The following SYT3 variants were observed in gnomAD, a reference collection of about 807,000 sequenced individuals.
The protein encoded by SYT3 is synaptotagmin 3, also known as synaptotagmin-3.
In SYT3, 25 loss-of-function variants were observed where a neutral mutation model predicts 50.6. The observed-to-expected ratio is 0.49, with a 90% CI of 0.36 to 0.69. The LOEUF (loss-of-function observed/expected upper bound fraction) is 0.69. Ranked by LOEUF, SYT3 falls within the 30% of genes least tolerant of loss-of-function variation. The pLI is 0.00. For synonymous variants in SYT3, 323 were observed against 353.9 expected, an observed-to-expected ratio of 0.91 and a Z score of 0.98; for missense variants, 589 against 793.6, an observed-to-expected ratio of 0.74 and a Z score of 3.10.
the SYT3 span, among the ~76,000 whole-genome samples, chr19:50,655,832 C>A: frequency 1.3e-5 from 2 of 152,296 alleles, no homozygotes; most frequent in South Asian, 4.1e-4. Flanking sequence ...TAATAGGAAC[C>A]CAGCTGTTGA....
At chr19:50,647,520 A>T in the SYT3 span, among the ~76,000 whole-genome samples, 6 of 151,632 alleles carry the variant, frequency 4.0e-5, no homozygotes, top group African/African-American at 1.5e-4. Flanking sequence ...ACTCCATCTT[A>T]AAAAAAATAA....
intron 5 of SYT3, 97 bp downstream of exon 5, chr19:50,629,687 G>T: frequency 5.0e-6 from 1 of 199,536 alleles, no homozygotes; most frequent in South Asian, 5.2e-5. Flanking sequence ...TCAGACCCGG[G>T]AGTCCAGGCC....
Position 50,625,689 on chromosome 19 carries a change from C to T in SYT3, c.1403-125G>A. 2.1e-6 allele frequency: 3 copies of T among 1,402,718 alleles called. No individual in the cohort carries two copies. In the South Asian group the frequency reaches 4.3e-5, roughly 20 times the overall value. The allele number at this position is 1,402,718 out of a possible 1,614,324, so 86.9% of individuals were successfully genotyped here. ...CCGGGGCCCCAGGCCCCCAGTCCCT[C>T]CTTCCTCAGGCCCAAGAGTCCAGAC... On this transcript the variant is annotated intron_variant, in intron 7 of 10. Coordinates refer to ENST00000600079, the MANE Select transcript of SYT3 (RefSeq NM_001160329.2). This position sits in a 1 kb window ranked among gnomAD's most constrained non-coding sequence, Gnocchi z 7.5.
chr19:50,648,128 T>G, the SYT3 span, among the ~76,000 whole-genome samples: 1 of 152,056 alleles, frequency 6.6e-6, no homozygotes, highest in Non-Finnish European at 1.5e-5. Flanking sequence ...GCTTCCCTCG[T>G]GTTGTCTTTG....
upstream of SYT3, among the ~76,000 whole-genome samples, chr19:50,644,424 T>C (rs528096676): frequency 2.0e-5 from 3 of 151,662 alleles, no homozygotes; most frequent in Non-Finnish European, 4.4e-5. Context: ...GATGGATAGA[T>C]GGATACTGCA....
the SYT3 span, among the ~76,000 whole-genome samples, chr19:50,654,370 T>C: frequency 6.6e-6 from 1 of 151,930 alleles, no homozygotes; most frequent in Non-Finnish European, 1.5e-5. Context: ...TGGCGCAATC[T>C]TGGCTCACTG....
upstream of SYT3, among the ~76,000 whole-genome samples, chr19:50,643,519 T>C (rs1477975572): frequency 6.6e-6 from 1 of 152,020 alleles, no homozygotes; most frequent in East Asian, 1.9e-4. Context: ...CCCTTGCCTT[T>C]AGCCACCATG....
chr19:50,625,763 CTCCCTCAG>C lies in SYT3; in HGVS notation c.1402+126_1402+133del. The C allele has an allele frequency of 6.1e-6, 5 of 818,194 alleles. No individual in the cohort carries two copies. The highest frequency in any genetic ancestry group is 9.3e-6 in the Non-Finnish European group (5 of 535,262). The allele number at this position is 818,194 out of a possible 1,614,324, so 50.7% of individuals were successfully genotyped here. ...CAGGAGTCCAGGCCCCTGGCCCCTC[CTCCCTCAG>C]ACCCAGGAGTCCAGATCCCCAGCTC... On this transcript the variant is annotated intron_variant, in intron 7 of 10. Coordinates refer to ENST00000600079, the MANE Select transcript of SYT3 (RefSeq NM_001160329.2). The surrounding 1 kb of genome is among the most constrained non-coding windows in gnomAD (Gnocchi z 7.5).
the SYT3 span, chr19:50,649,458 T>C: frequency 6.5e-7 from 1 of 1,536,058 alleles, no homozygotes; most frequent in South Asian, 1.2e-5. Flanking sequence ...CAGCCAGAGG[T>C]GGAGCCCGTG....
the SYT3 span, among the ~76,000 whole-genome samples, chr19:50,648,001 AT>A: frequency 6.6e-6 from 1 of 152,192 alleles, no homozygotes; most frequent in African/African-American, 2.4e-5. Flanking sequence ...GGAAACGCAA[AT>A]CAAATTGACC....
upstream of SYT3, among the ~76,000 whole-genome samples, chr19:50,642,625 G>C (rs1599824106): frequency 6.6e-6 from 1 of 152,064 alleles, no homozygotes; most frequent in African/African-American, 2.4e-5. Context: ...CCTGAGGTCG[G>C]GAGTTTGAGA....
At chr19:50,623,030 T>A (rs1355067789) in intron 9 of SYT3, among the ~76,000 whole-genome samples, 3 of 141,944 alleles carry the variant, frequency 2.1e-5, no homozygotes, top group Non-Finnish European at 4.6e-5. Flanking sequence ...TGAGACTCTG[T>A]CCTGGGGCCA....
chr19:50,653,185 G>A, the SYT3 span, among the ~76,000 whole-genome samples: 2 of 151,916 alleles, frequency 1.3e-5, no homozygotes, highest in East Asian at 1.9e-4. Context: ...CTACAGGTGC[G>A]CGCTACCATG....
chr19:50,631,811 G>A (rs1984316652), intron 4 of SYT3, among the ~76,000 whole-genome samples: 1 of 152,068 alleles, frequency 6.6e-6, no homozygotes, highest in Admixed American at 6.5e-5. Context: ...AGTGACAGGA[G>A]GGCAGAGTCT....
chr19:50,653,682 GCACACACA>G, the SYT3 span, among the ~76,000 whole-genome samples: 32,120 of 121,646 alleles, frequency 0.26, 4,623 homozygotes, highest in Admixed American at 0.31. Flanking sequence ...ATGAGAGACA[GCACACACA>G]CACACACACA....
the SYT3 span, among the ~76,000 whole-genome samples, chr19:50,648,712 A>T: frequency 5.0e-4 from 75 of 150,430 alleles, no homozygotes; most frequent in African/African-American, 1.5e-3. Flanking sequence ...CTCTGGAGGC[A>T]CCATGGCAAC....
At chr19:50,647,830 C>G in the SYT3 span, among the ~76,000 whole-genome samples, 4 of 152,076 alleles carry the variant, frequency 2.6e-5, no homozygotes, top group African/African-American at 9.7e-5. Context: ...TGCCTGTGGT[C>G]AAGGCAATCA....
chr19:50,643,201 T>C (rs1984706967), upstream of SYT3, among the ~76,000 whole-genome samples: 1 of 151,904 alleles, frequency 6.6e-6, no homozygotes, highest in Non-Finnish European at 1.5e-5. Context: ...TGAGACCTCA[T>C]TTCTACAAAA....
chr19:50,655,978 G>A, the SYT3 span: 3 of 1,419,838 alleles, frequency 2.1e-6, no homozygotes, highest in Non-Finnish European at 2.9e-6. Context: ...CAAGCAATTG[G>A]TGATGGCCAT....
Sources: allele counts gnomAD v4.1 joint callset (sites outside exome capture counted in the v4.1 genomes callset), GRCh38; gene constraint gnomAD v4.1.1; non-coding constraint Gnocchi (gnomAD v3.1); transcripts MANE v1.5; gene names NCBI Gene and HGNC (gene_info 2026-07-23, HGNC 2026-07-21).